SENP1: variants seen among roughly 807,000 people sequenced by gnomAD.
SENP1 encodes SUMO specific peptidase 1, also known as sentrin-specific protease 1.
A neutral mutation model predicts 93.0 loss-of-function variants in SENP1; 21 were observed. That is an observed-to-expected ratio of 0.23 (90% CI 0.16 to 0.33). SENP1 has a LOEUF of 0.33. SENP1 is among the 10% of genes least tolerant of loss of function. The pLI, the probability that SENP1 is intolerant of heterozygous loss-of-function variation, is 1.00. For synonymous variants in SENP1, 256 were observed against 259.6 expected, an observed-to-expected ratio of 0.99 and a Z score of 0.13; for missense variants, 591 against 758.7, an observed-to-expected ratio of 0.78 and a Z score of 2.60.
At position 48,060,784 on chromosome 12, in the gene SENP1, TTAATTAGA is replaced by T. The variant is rs1942906779; in HGVS notation, c.1407+2918_1407+2925del. 2.0e-5 allele frequency among the ~76,000 whole-genome samples: 3 copies of T among 152,214 alleles called. No individual in the cohort carries two copies. The South Asian group carries it at 6.2e-4, about 31-fold the overall frequency. Reference sequence around the variant, plus strand: ...CTCTTTAACTCTATCCTCCCTTCCCTTAATTAGATATTTCTATTAGTAACTAATCTCCT... The same window carrying T: ...CTCTTTAACTCTATCCTCCCTTCCCTTATTTCTATTAGTAACTAATCTCCT... On this transcript the variant is annotated intron_variant, in intron 13 of 17. Coordinates refer to ENST00000549518, the MANE Select transcript of SENP1 (RefSeq NM_001267594.2).
chr12:48,052,687 A>G (rs1941907497), intron 13 of SENP1, among the ~76,000 whole-genome samples: 1 of 152,230 alleles, frequency 6.6e-6, no homozygotes, highest in Non-Finnish European at 1.5e-5. Flanking sequence ...CAAGGAACAA[A>G]TTATCAGAAT....
chr12:48,067,797 ATT>A (rs1943398642), intron 9 of SENP1, among the ~76,000 whole-genome samples: 1 of 151,366 alleles, frequency 6.6e-6, no homozygotes, highest in African/African-American at 2.4e-5. Flanking sequence ...ACATAGTGAG[ATT>A]CTGTCTCTTA....
At chr12:48,074,247 A>T (rs767129532) in intron 8 of SENP1, 77 bp downstream of exon 8, 7 of 1,162,966 alleles carry the variant, frequency 6.0e-6, no homozygotes, top group Non-Finnish European at 8.7e-6. Context: ...GTATATTACA[A>T]TGTTGCCTGT....
At chr12:48,045,504 CT>C (rs1160707005) in intron 17 of SENP1, 120 bp from the exon 18 acceptor site, 1 of 738,554 alleles carries the variant, frequency 1.4e-6, no homozygotes, top group Non-Finnish European at 2.3e-6. Context: ...TATTTCTGGT[CT>C]TTTAAATTAT....
chr12:48,043,350 C>A lies in SENP1; in HGVS notation c.*1972G>T, dbSNP rs1179287076. On this transcript the variant is annotated 3_prime_UTR_variant, in exon 18 of 18. Transcript: ENST00000549518. ...TACCTAAATGGACAAACAATAAATA[C>A]AGAGAACAATCTTGTTCTGAGTCCC... 1 of 152,598 alleles carries A rather than the reference C, an allele frequency of 6.6e-6. No homozygotes were observed. Among genetic ancestry groups the A allele is most frequent in the Non-Finnish European group, 1.5e-5 (1 of 68,040 alleles). The allele number at this position is 152,598 out of a possible 1,614,324, so 9.5% of individuals were successfully genotyped here.
chr12:48,067,978 A>T (rs1943412411), intron 9 of SENP1, among the ~76,000 whole-genome samples: 1 of 152,116 alleles, frequency 6.6e-6, no homozygotes. Flanking sequence ...CTCCTGCCTC[A>T]GCCTCCTGAG....
chr12:48,078,859 T>G (rs1944321914), intron 6 of SENP1, among the ~76,000 whole-genome samples: 1 of 152,246 alleles, frequency 6.6e-6, no homozygotes, highest in African/African-American at 2.4e-5. Flanking sequence ...CTGTTTTTGT[T>G]GTTGTTGTTG....
At chr12:48,052,912 A>C (rs1205833226) in intron 13 of SENP1, among the ~76,000 whole-genome samples, 1 of 152,150 alleles carries the variant, frequency 6.6e-6, no homozygotes, top group East Asian at 1.9e-4. Context: ...TCTACACGTA[A>C]GTGTACAGCA....
chr12:48,091,478 A>G lies in SENP1; in HGVS notation c.221-2518T>C, dbSNP rs1177034940. Among the ~76,000 whole-genome samples the G allele has an allele frequency of 2.0e-5, 3 of 152,108 alleles. No individual in the cohort carries two copies. The East Asian group carries it at 5.8e-4, about 29-fold the overall frequency. ...AAAAAAAAAAAAGAATGTGTCAGCT[A>G]ACTACTTACTATGAAAGTAAGTACT... On this transcript the variant is annotated intron_variant, in intron 4 of 17. Transcript: ENST00000549518.
At chr12:48,097,667 C>T (rs1206155675) in intron 3 of SENP1, 2 of 181,062 alleles carry the variant, frequency 1.1e-5, no homozygotes, top group Non-Finnish European at 2.3e-5. Context: ...TGTATATTTT[C>T]ACATTTCTCC....
chr12:48,045,160 GA>G lies in SENP1; in HGVS notation c.*161del. ...AAAAATAGTATCTGAGATACAAAAG[GA>G]AAGGCAGATGTGCTTGTGAATGCAT... On this transcript the variant is annotated 3_prime_UTR_variant, in exon 18 of 18. Transcript: ENST00000549518. 1 of 600,476 alleles carries G rather than the reference GA, an allele frequency of 1.7e-6. No individual in the cohort carries two copies. 37.2% of individuals were successfully genotyped at this position (600,476 alleles called of 1,614,324 possible). A position where few individuals can be genotyped will look rare whatever the true frequency, so the allele number is the denominator to read the frequency against.
intron 6 of SENP1, among the ~76,000 whole-genome samples, chr12:48,078,775 A>C (rs1324292190): frequency 1.1e-4 from 16 of 152,238 alleles, no homozygotes; most frequent in Admixed American, 2.0e-4. Flanking sequence ...TAAAACTTTA[A>C]ACAAAATTCT....
chr12:48,082,889 G>A (rs1000524650), intron 6 of SENP1, among the ~76,000 whole-genome samples: 1 of 152,064 alleles, frequency 6.6e-6, no homozygotes, highest in African/African-American at 2.4e-5. Flanking sequence ...AAGAAGAATA[G>A]GTATTTCATC....
At position 48,044,151 on chromosome 12, in the gene SENP1, C is replaced by A. The variant is rs2136708510; in HGVS notation, c.*1171G>T. The A allele has an allele frequency of 6.6e-6, 1 of 150,618 alleles. No individual in the cohort carries two copies. The highest frequency in any genetic ancestry group is 1.5e-5 in the Non-Finnish European group (1 of 67,538). 9.3% of individuals were successfully genotyped at this position (150,618 alleles called of 1,614,324 possible). On this transcript the variant is annotated 3_prime_UTR_variant, in exon 18 of 18. Transcript: ENST00000549518. ...CGTTTTTTTTTTTAGCTGAAAATAT[C>A]ACCTCCCTCTGTAACCTCTACCCAT... is the stretch of plus-strand genomic sequence containing the variant.
chr12:48,076,638 T>C (rs1298173139), intron 6 of SENP1, among the ~76,000 whole-genome samples: 1 of 141,880 alleles, frequency 7.0e-6, no homozygotes, highest in Non-Finnish European at 1.6e-5. Flanking sequence ...AATATGTAGT[T>C]TTTGCTTTTT....
chr12:48,090,992 TTA>T (rs1350961701), intron 4 of SENP1, among the ~76,000 whole-genome samples: 1 of 152,154 alleles, frequency 6.6e-6, no homozygotes, highest in African/African-American at 2.4e-5. Flanking sequence ...AGATTACCTA[TTA>T]TGTGTACATA....
At chr12:48,100,478 A>C (rs983552104) in intron 2 of SENP1, among the ~76,000 whole-genome samples, 2 of 151,898 alleles carry the variant, frequency 1.3e-5, no homozygotes, top group African/African-American at 4.8e-5. Context: ...CGAAAATACA[A>C]AAATTAGCCG....
chr12:48,095,341 G>C (rs1945485223), intron 4 of SENP1, among the ~76,000 whole-genome samples: 1 of 152,100 alleles, frequency 6.6e-6, no homozygotes, highest in East Asian at 1.9e-4. Context: ...GTTCGGACCA[G>C]CCTGGCCAAC....
chr12:48,076,570 G>A (rs548880473), intron 6 of SENP1, among the ~76,000 whole-genome samples: 1 of 151,558 alleles, frequency 6.6e-6, no homozygotes, highest in Non-Finnish European at 1.5e-5. Context: ...AACCTCAAGT[G>A]ATGCGCCCAC....
Sources: gnomAD v4.1 joint callset for allele counts (sites outside exome capture counted in the v4.1 genomes callset) on GRCh38, gnomAD v4.1.1 for gene constraint, MANE v1.5 for transcripts, NCBI Gene and HGNC (gene_info 2026-07-23, HGNC 2026-07-21) for gene names.